WDR33: variants seen among roughly 807,000 people sequenced by gnomAD.
WDR33 encodes pre-mRNA 3' end processing protein WDR33.
In WDR33, 47 loss-of-function variants were observed where a neutral mutation model predicts 164.9. That is an observed-to-expected ratio of 0.29 (90% confidence interval 0.23 to 0.36). The LOEUF is 0.36. WDR33 is among the 10% of genes least tolerant of loss of function. The pLI, the probability that WDR33 is intolerant of heterozygous loss-of-function variation, is 1.00. For synonymous variants in WDR33, 505 were observed against 589.0 expected (o/e 0.86, Z 2.06); for missense variants, 1,137 against 1,754.1 (o/e 0.65, Z 6.28).
rs1241602672 is a variant in WDR33 at position 127,706,993 on chromosome 2, A to G, written c.3782-441T>C. Among the ~76,000 whole-genome samples, 1 of 152,264 alleles carries G rather than the reference A, an allele frequency of 6.6e-6. No individual in the cohort carries two copies. Among genetic ancestry groups the G allele is most frequent in the Non-Finnish European group, 1.5e-5 (1 of 68,050 alleles). ...AATAAAAAGTGCTCCAACTAGGACA[A>G]GCGTTCACTGGGACTGTCCCGTGAC... is the stretch of plus-strand genomic sequence containing the variant. On this transcript the variant is annotated intron_variant, in intron 21 of 21. Coordinates refer to ENST00000322313, the MANE Select transcript of WDR33 (RefSeq NM_018383.5). This position sits in a 1 kb window ranked among gnomAD's most constrained non-coding sequence, Gnocchi z 5.1.
At chr2:127,801,369 T>C (rs527350907) in intron 1 of WDR33, among the ~76,000 whole-genome samples, 11 of 151,840 alleles carry the variant, frequency 7.2e-5, no homozygotes, top group Non-Finnish European at 1.5e-4. Flanking sequence ...GACTGTAAAA[T>C]GGTACAATGA....
At chr2:127,794,570 T>A (rs898221297) in intron 1 of WDR33, among the ~76,000 whole-genome samples, 1 of 151,578 alleles carries the variant, frequency 6.6e-6, no homozygotes, top group Non-Finnish European at 1.5e-5. Context: ...CAGTAGCTCA[T>A]GCCTATAATC....
At chr2:127,799,651 C>T (rs1257029254) in intron 1 of WDR33, among the ~76,000 whole-genome samples, 1 of 152,080 alleles carries the variant, frequency 6.6e-6, no homozygotes, top group Admixed American at 6.6e-5. Flanking sequence ...AAAAATTAGC[C>T]GGACATGGTG....
chr2:127,708,949 G>T lies in WDR33; in HGVS notation c.3566-57C>A. Reference sequence around the variant, plus strand: ...AGCACAGTGTGACCAGAAGTAGATGGGAATGACACTGTGAGAGTAAGGAGC... The same window carrying T: ...AGCACAGTGTGACCAGAAGTAGATGTGAATGACACTGTGAGAGTAAGGAGC... On this transcript the variant is annotated intron_variant, in intron 20 of 21. Transcript: ENST00000322313. This position sits in a 1 kb window ranked among gnomAD's most constrained non-coding sequence, Gnocchi z 6.7. 1 of 1,463,186 alleles carries T rather than the reference G, an allele frequency of 6.8e-7. No homozygotes were observed. 90.6% of individuals were successfully genotyped at this position (1,463,186 alleles called of 1,614,324 possible). A position where few individuals can be genotyped will look rare whatever the true frequency, so the allele number is the denominator to read the frequency against.
rs1254909668 is a variant in WDR33 at position 127,741,072 on chromosome 2, G to T, written c.725-14295C>A. ...ACAAAGGCTGTGATGAAGTAATGAGGGTAATTATAGGGAGACTTGTCCAGG... is the reference window on the plus strand; with the variant it reads ...ACAAAGGCTGTGATGAAGTAATGAGTGTAATTATAGGGAGACTTGTCCAGG... On this transcript the variant is annotated intron_variant, in intron 7 of 21. Transcript: ENST00000322313. The surrounding 1 kb of genome is among the most constrained non-coding windows in gnomAD (Gnocchi z 4.1). 6.6e-6 allele frequency among the ~76,000 whole-genome samples: 1 copy of T among 152,164 alleles called. No individual in the cohort carries two copies. The highest frequency in any genetic ancestry group is 1.5e-5 in the Non-Finnish European group (1 of 68,034).
At chr2:127,752,720 A>G (rs181616431) in intron 7 of WDR33, among the ~76,000 whole-genome samples, 5 of 152,224 alleles carry the variant, frequency 3.3e-5, no homozygotes, top group Admixed American at 3.3e-4. Flanking sequence ...ATGGTATTTC[A>G]TCAATCCACA....
Position 127,763,020 on chromosome 2 carries a change from T to C in WDR33, c.724+42A>G. The stretch of plus-strand genomic sequence containing the variant: ...TGTGATGATTTAACCACAAATGTCT[T>C]CCCTATTTAAATATTCCAATCAGTA... On this transcript the variant is annotated intron_variant, in intron 7 of 21. Transcript: ENST00000322313. This position sits in a 1 kb window ranked among gnomAD's most constrained non-coding sequence, Gnocchi z 4.5. 1 of 1,613,208 alleles carries C rather than the reference T, an allele frequency of 6.2e-7. No individual in the cohort carries two copies.
intron 18 of WDR33, among the ~76,000 whole-genome samples, chr2:127,711,620 C>G (rs1686164652): frequency 6.7e-6 from 1 of 149,578 alleles, no homozygotes; most frequent in South Asian, 2.1e-4. Context: ...TTTAACCTCC[C>G]TATCTCCCCT....
intron 7 of WDR33, among the ~76,000 whole-genome samples, chr2:127,758,337 C>T (rs934860035): frequency 6.6e-6 from 1 of 152,132 alleles, no homozygotes; most frequent in African/African-American, 2.4e-5. Flanking sequence ...TAGTAGTTAA[C>T]AGCATGAATA....
chr2:127,722,233 C>T lies in WDR33; in HGVS notation c.1519-245G>A, dbSNP rs1444025100. 3.3e-5 allele frequency among the ~76,000 whole-genome samples: 5 copies of T among 152,130 alleles called. No individual in the cohort carries two copies. Among genetic ancestry groups the T allele is most frequent in the African/African-American group, 1.2e-4 (5 of 41,434 alleles). ...CATGTTATTAAGAATGCAAAGCTTGCCAGCCTCTTCACAGGGTACATGCAC... is the reference window on the plus strand; with the variant it reads ...CATGTTATTAAGAATGCAAAGCTTGTCAGCCTCTTCACAGGGTACATGCAC... On this transcript the variant is annotated intron_variant, in intron 14 of 21. Coordinates refer to ENST00000322313, the MANE Select transcript of WDR33 (RefSeq NM_018383.5). This position sits in a 1 kb window ranked among gnomAD's most constrained non-coding sequence, Gnocchi z 5.1.
chr2:127,768,842 G>T, intron 3 of WDR33, 91 bp downstream of exon 3: 1 of 840,974 alleles, frequency 1.2e-6, no homozygotes, highest in South Asian at 1.5e-5. Context: ...AAAAAGAAAA[G>T]ACCATTTTGG....
chr2:127,711,771 TATATA>T (rs1184168404), intron 18 of WDR33, among the ~76,000 whole-genome samples: 19 of 85,488 alleles, frequency 2.2e-4, no homozygotes, highest in African/African-American at 3.1e-4. Flanking sequence ...TATATATATA[TATATA>T]TATATTTTTT....
rs1304043276 is a variant in WDR33, at chr2:127,720,396, A to G, written c.1672-43T>C. On this transcript the variant is annotated intron_variant, in intron 15 of 21. Transcript: ENST00000322313. This position sits in a 1 kb window ranked among gnomAD's most constrained non-coding sequence, Gnocchi z 5.9. ...AAAAAGCATGTTGAATAAACAGGCC[A>G]GAGCCCTTGAAGATGACAATATTGC... The G allele has an allele frequency of 2.0e-6, 3 of 1,494,532 alleles. No individual in the cohort carries two copies. Among genetic ancestry groups the G allele is most frequent in the African/African-American group, 2.8e-5 (2 of 71,530 alleles). The allele number at this position is 1,494,532 out of a possible 1,614,324, so 92.6% of individuals were successfully genotyped here. A position where few individuals can be genotyped will look rare whatever the true frequency, so the allele number is the denominator to read the frequency against.
intron 1 of WDR33, 174 bp downstream of exon 1, chr2:127,810,838 A>G (rs549168363): frequency 1.3e-5 from 2 of 152,742 alleles, no homozygotes; most frequent in East Asian, 3.9e-4. Context: ...GCCCCCTCCC[A>G]TAAGTCTCGA....
intron 7 of WDR33, among the ~76,000 whole-genome samples, chr2:127,748,748 G>A (rs1485657439): frequency 1.3e-5 from 2 of 152,050 alleles, no homozygotes; most frequent in African/African-American, 4.8e-5. Flanking sequence ...ACATGAAAGT[G>A]AGTAATATCT....
rs376653544 is a variant in WDR33 at position 127,770,735 on chromosome 2, A to G, written c.204+43T>C. ...AATAAATAAATAAATAAATAAATAA[A>G]TAACCAAAGTTTGGTCATCTGAAGC... On this transcript the variant is annotated intron_variant, in intron 2 of 21. Coordinates refer to ENST00000322313, the MANE Select transcript of WDR33 (RefSeq NM_018383.5). The surrounding 1 kb of genome is among the most constrained non-coding windows in gnomAD (Gnocchi z 4.9). 2 of 872,042 alleles carry G rather than the reference A, an allele frequency of 2.3e-6. No individual in the cohort carries two copies. The highest frequency in any genetic ancestry group is 2.4e-5 in the South Asian group (1 of 42,004). The allele number at this position is 872,042 out of a possible 1,614,324, so 54.0% of individuals were successfully genotyped here.
intron 1 of WDR33, among the ~76,000 whole-genome samples, chr2:127,786,844 C>CTTTTTTTTTTTTTTT (rs71307273): frequency 3.6e-5 from 4 of 111,844 alleles, no homozygotes; most frequent in Middle Eastern, 5.6e-3. Context: ...CCTTTCTGTT[C>CTTTTTTTTTTTTTTT]TTTTTTTTTT....
At chr2:127,727,925 G>C (rs1325309163) in intron 7 of WDR33, among the ~76,000 whole-genome samples, 1 of 152,216 alleles carries the variant, frequency 6.6e-6, no homozygotes, top group Admixed American at 6.5e-5. Flanking sequence ...GGCACCGACA[G>C]TGATTTGTAC....
intron 1 of WDR33, among the ~76,000 whole-genome samples, chr2:127,778,886 A>T (rs1688280854): frequency 6.6e-6 from 1 of 152,204 alleles, no homozygotes; most frequent in African/African-American, 2.4e-5. Context: ...ATTTTACCAT[A>T]ATAGATCTCC....
Sources: allele counts gnomAD v4.1 joint callset (sites outside exome capture counted in the v4.1 genomes callset), GRCh38; gene constraint gnomAD v4.1.1; non-coding constraint Gnocchi (gnomAD v3.1); transcripts MANE v1.5; gene names NCBI Gene and HGNC (gene_info 2026-07-23, HGNC 2026-07-21).